Variants in RYR3 observed in about 807,000 individuals in gnomAD.
RYR3 encodes ryanodine receptor 3.
Under a neutral mutation model 584.3 loss-of-function variants are expected in RYR3, and 207 were observed. The ratio of observed to expected loss-of-function variants is 0.35; its 90% CI spans 0.32 to 0.40. RYR3 has a LOEUF of 0.40. Ranked by LOEUF, RYR3 falls within the 10% of genes least tolerant of loss-of-function variation. The probability of loss-of-function intolerance (pLI) is 1.00; values close to 1 mark genes in which losing one functional copy is unlikely to be tolerated. For missense variants in RYR3, 5,616 were observed against 6,089.2 expected, an observed-to-expected ratio of 0.92 and a Z score of 2.59; for synonymous variants, 2,416 against 2,248.5, an observed-to-expected ratio of 1.07 and a Z score of -2.11.
chr15:33,417,894 G>A (rs1396632727), intron 1 of RYR3, among the ~76,000 whole-genome samples: 1 of 152,084 alleles, frequency 6.6e-6, no homozygotes, highest in African/African-American at 2.4e-5. Context: ...TTATCATGAT[G>A]TTGGATTTTA....
chr15:33,567,956 A>C (rs955069580), intron 12 of RYR3, among the ~76,000 whole-genome samples: 1 of 152,150 alleles, frequency 6.6e-6, no homozygotes, highest in African/African-American at 2.4e-5. Context: ...TCTTAAACCA[A>C]TTGCATCAGA....
chr15:33,554,354 G>A (rs2056918726), intron 10 of RYR3, among the ~76,000 whole-genome samples: 2 of 148,202 alleles, frequency 1.3e-5, no homozygotes, highest in Admixed American at 6.7e-5. Flanking sequence ...GAGGTACAGT[G>A]GTGCGATCTC....
chr15:33,531,644 T>C (rs1353734113), intron 4 of RYR3, among the ~76,000 whole-genome samples: 1 of 102,888 alleles, frequency 9.7e-6, no homozygotes, highest in Non-Finnish European at 2.4e-5. Flanking sequence ...TATATATATA[T>C]ATATTTTTTT....
chr15:33,445,836 A>G (rs1228928606), intron 1 of RYR3, among the ~76,000 whole-genome samples: 4 of 152,162 alleles, frequency 2.6e-5, no homozygotes, highest in African/African-American at 4.8e-5. Flanking sequence ...TGTACATTTT[A>G]CAGACAGAAG....
Position 33,865,486 on chromosome 15 carries a change from G to C in RYR3, c.*260G>C, listed in dbSNP as rs1052013213. 4.9e-6 allele frequency: 2 copies of C among 408,446 alleles called. No individual in the cohort carries two copies. The highest frequency in any genetic ancestry group is 4.0e-5 in the South Asian group (1 of 25,210). The allele number at this position is 408,446 out of a possible 1,614,324, so 25.3% of individuals were successfully genotyped here. A position where few individuals can be genotyped will look rare whatever the true frequency, so the allele number is the denominator to read the frequency against. Reference sequence around the variant, plus strand: ...GTAATCTCTAGGCAAATGCCTTCAAGTTTTCCAGTTCTGAGGTAACTAGTT... The same window carrying C: ...GTAATCTCTAGGCAAATGCCTTCAACTTTTCCAGTTCTGAGGTAACTAGTT... On this transcript the variant is annotated 3_prime_UTR_variant, in exon 104 of 104. Transcript: ENST00000634891.
intron 74 of RYR3, among the ~76,000 whole-genome samples, chr15:33,814,910 A>AG (rs1227226854): frequency 6.6e-6 from 1 of 150,554 alleles, no homozygotes; most frequent in Non-Finnish European, 1.5e-5. Context: ...CAAAAAAAAA[A>AG]AAAAAAAAAA....
At chr15:33,781,013 T>C (rs979015364) in intron 65 of RYR3, among the ~76,000 whole-genome samples, 4 of 152,204 alleles carry the variant, frequency 2.6e-5, no homozygotes, top group African/African-American at 9.7e-5. Context: ...AGCACGACAA[T>C]GGCAGAGTTG....
chr15:33,827,034 G>T (rs552945865), intron 84 of RYR3, among the ~76,000 whole-genome samples, 165 bp from the exon 85 acceptor site: 1 of 152,248 alleles, frequency 6.6e-6, no homozygotes, highest in Admixed American at 6.5e-5. Flanking sequence ...AGGTTGGGGG[G>T]GTGCTCAGAG....
intron 43 of RYR3, among the ~76,000 whole-genome samples, chr15:33,714,497 C>A (rs16957769): frequency 4.2e-4 from 64 of 152,152 alleles, no homozygotes; most frequent in African/African-American, 1.4e-3. Context: ...CTATTTTCCC[C>A]GCAGTTGCAG....
chr15:33,703,299 A>G (rs746173227), intron 42 of RYR3, among the ~76,000 whole-genome samples: 8 of 152,138 alleles, frequency 5.3e-5, no homozygotes, highest in Admixed American at 2.6e-4. Context: ...GTAGTCAGAG[A>G]GGATATTACT....
At chr15:33,709,501 G>A (rs1446883216) in intron 43 of RYR3, among the ~76,000 whole-genome samples, 1 of 152,224 alleles carries the variant, frequency 6.6e-6, no homozygotes, top group Non-Finnish European at 1.5e-5. Flanking sequence ...TTAATCCCGA[G>A]AGTTGGGAGA....
intron 1 of RYR3, among the ~76,000 whole-genome samples, chr15:33,406,444 C>T (rs1311866458): frequency 6.6e-6 from 1 of 152,196 alleles, no homozygotes; most frequent in Admixed American, 6.5e-5. Context: ...GATCTATCCC[C>T]GTCAGCATGA....
chr15:33,388,673 G>T (rs2141260253), intron 1 of RYR3, among the ~76,000 whole-genome samples: 1 of 152,224 alleles, frequency 6.6e-6, no homozygotes, highest in South Asian at 2.1e-4. Flanking sequence ...AGTAGTTATG[G>T]AGTCATCATT....
At chr15:33,860,036 CT>C (rs1337842570) in intron 100 of RYR3, among the ~76,000 whole-genome samples, 1 of 152,150 alleles carries the variant, frequency 6.6e-6, no homozygotes, top group African/African-American at 2.4e-5. Context: ...GTCTTGTCCT[CT>C]TCATTTTCTT....
intron 1 of RYR3, among the ~76,000 whole-genome samples, chr15:33,374,984 A>G (rs560725923): frequency 5.4e-4 from 83 of 152,334 alleles, no homozygotes; most frequent in African/African-American, 2.0e-3. Flanking sequence ...TATTAATAGT[A>G]TAGCTATTTT....
At chr15:33,598,132 C>T (rs1423469916) in intron 16 of RYR3, among the ~76,000 whole-genome samples, 1 of 149,774 alleles carries the variant, frequency 6.7e-6, no homozygotes, top group African/African-American at 2.5e-5. Flanking sequence ...AATTAAACTA[C>T]ACCTTCCTTA....
In RYR3 at chr15:33,755,063, AG is replaced by A; in HGVS notation, c.8402del. 6.3e-7 allele frequency: 1 copy of A among 1,584,386 alleles called. No homozygotes were observed. ...CCTGGGGTCTGTCCATGTCCAACGT[AG>A]GGGTATGAAGGATATGGAGCTGGAT... On this transcript the variant is annotated splice_acceptor_variant, in intron 57 of 103. Transcript: ENST00000634891. LOFTEE classifies it high-confidence loss of function.
intron 16 of RYR3, among the ~76,000 whole-genome samples, chr15:33,589,323 T>C (rs2059013049): frequency 6.6e-6 from 1 of 152,184 alleles, no homozygotes; most frequent in African/African-American, 2.4e-5. Context: ...GTGTTGTTGT[T>C]GAGTTGTTTG....
chr15:33,605,705 G>T (rs1387142451), intron 18 of RYR3, among the ~76,000 whole-genome samples: 1 of 152,202 alleles, frequency 6.6e-6, no homozygotes, highest in African/African-American at 2.4e-5. Context: ...ATATCTTGCA[G>T]AAGGGATTGG....
Sources: allele counts gnomAD v4.1 joint callset (sites outside exome capture counted in the v4.1 genomes callset), GRCh38; gene constraint gnomAD v4.1.1; transcripts MANE v1.5; gene names NCBI Gene and HGNC (gene_info 2026-07-23, HGNC 2026-07-21).